The following STOML1 variants were observed in gnomAD, a reference collection of about 807,000 sequenced individuals.
STOML1 encodes the protein stomatin-like protein 1.
Under a neutral mutation model 35.7 loss-of-function variants are expected in STOML1, and 27 were observed. That is an observed-to-expected ratio of 0.76 (90% CI 0.56 to 1.04). The LOEUF is 1.04. Among genes scored for constraint, STOML1 ranks in the 50% least tolerant of loss-of-function variants. The probability of loss-of-function intolerance (pLI) is 0.00; values close to 1 mark genes in which losing one functional copy is unlikely to be tolerated. For synonymous variants in STOML1, 219 were observed against 227.9 expected (o/e 0.96, Z 0.35); for missense variants, 451 against 527.1 (o/e 0.86, Z 1.41).
rs2068931380 is a variant in STOML1 at position 73,979,046 on chromosome 15, C to T, written c.*4891G>A. On this transcript the variant is annotated 3_prime_UTR_variant, in exon 7 of 7. Coordinates refer to ENST00000541638, the MANE Select transcript of STOML1 (RefSeq NM_004809.5). ...ACAATGGAATGTGTTGGCAATACAA[C>T]AAACTACAGATACACAGAATAACAT... 1 of 152,144 alleles carries T rather than the reference C, an allele frequency of 6.6e-6. No individual in the cohort carries two copies. Among genetic ancestry groups the T allele is most frequent in the South Asian group, 2.1e-4 (1 of 4,832 alleles). 9.4% of individuals were successfully genotyped at this position (152,144 alleles called of 1,614,324 possible). A position where few individuals can be genotyped will look rare whatever the true frequency, so the allele number is the denominator to read the frequency against.
At chr15:73,991,992 C>A (rs1380535751) in intron 1 of STOML1, 99 bp downstream of exon 1, 2 of 1,439,458 alleles carry the variant, frequency 1.4e-6, no homozygotes, top group African/African-American at 2.9e-5. Context: ...TCGTAGGGTG[C>A]GACGGCACCG....
At chr15:73,990,947 T>A (rs2069255311) in intron 1 of STOML1, 1 of 1,492,176 alleles carries the variant, frequency 6.7e-7, no homozygotes, top group African/African-American at 1.4e-5. Context: ...TGCCTTAGCC[T>A]ACAGGGATAA....
chr15:73,991,779 T>A (rs1343148178), intron 1 of STOML1: 2 of 569,268 alleles, frequency 3.5e-6, no homozygotes, highest in South Asian at 3.2e-5. Context: ...CTATGCGAAA[T>A]AGAAACCTGA....
chr15:73,991,706 AT>A (rs2069282164), intron 1 of STOML1: 1 of 481,796 alleles, frequency 2.1e-6, no homozygotes, highest in Non-Finnish European at 4.1e-6. Context: ...AAATTCTTCC[AT>A]TTCCCTGCAG....
At position 73,985,761 on chromosome 15, in the gene STOML1, G is replaced by A; in HGVS notation, c.595-248C>T. ...CAGCAGGAGGGAGTCCTCAGGTGGAGGAGGACCCTTCCAGCAACAGGAACA... is the reference window on the plus strand; with the variant it reads ...CAGCAGGAGGGAGTCCTCAGGTGGAAGAGGACCCTTCCAGCAACAGGAACA... On this transcript the variant is annotated intron_variant, in intron 4 of 6. Coordinates refer to ENST00000541638, the MANE Select transcript of STOML1 (RefSeq NM_004809.5). 8.4e-6 allele frequency: 4 copies of A among 478,468 alleles called. No individual in the cohort carries two copies. The Admixed American group carries it at 1.4e-4, about 16-fold the overall frequency. The allele number at this position is 478,468 out of a possible 1,614,324, so 29.6% of individuals were successfully genotyped here. A position where few individuals can be genotyped will look rare whatever the true frequency, so the allele number is the denominator to read the frequency against.
chr15:73,984,510 C>A, intron 6 of STOML1, 149 bp downstream of exon 6: 1 of 936,054 alleles, frequency 1.1e-6, no homozygotes, highest in Non-Finnish European at 1.6e-6. Flanking sequence ...TAGTTAATGC[C>A]TGGAAATGGT....
Position 73,980,462 on chromosome 15 carries a change from G to A in STOML1, c.*3475C>T, listed in dbSNP as rs2068948459. On this transcript the variant is annotated 3_prime_UTR_variant, in exon 7 of 7. Transcript: ENST00000541638. ...CCTATGTAAGTACAAGAAAGCACAG[G>A]GAAAGGCTGTCTGTGGTAACATGGA... is the stretch of plus-strand genomic sequence containing the variant. 6.6e-6 allele frequency: 1 copy of A among 152,170 alleles called. No homozygotes were observed. The highest frequency in any genetic ancestry group is 2.4e-5 in the African/African-American group (1 of 41,436). 9.4% of individuals were successfully genotyped at this position (152,170 alleles called of 1,614,324 possible).
rs965602489 is a variant in STOML1, at chr15:73,988,929, C to G, written c.391-127G>C. 15 of 1,448,300 alleles carry G rather than the reference C, an allele frequency of 1.0e-5. No individual in the cohort carries two copies. In the African/African-American group the frequency reaches 2.1e-4, roughly 20 times the overall value. The allele number at this position is 1,448,300 out of a possible 1,614,324, so 89.7% of individuals were successfully genotyped here. ...AGCTCCTCAAGGGCAAATGGTGTCA[C>G]CAAGTATGTAGGGTTAGGTGTATGA... On this transcript the variant is annotated intron_variant, in intron 3 of 6. Coordinates refer to ENST00000541638, the MANE Select transcript of STOML1 (RefSeq NM_004809.5). This position sits in a 1 kb window ranked among gnomAD's most constrained non-coding sequence, Gnocchi z 4.8.
intron 5 of STOML1, 56 bp from the exon 6 acceptor site, chr15:73,984,927 C>T: frequency 6.3e-7 from 1 of 1,599,290 alleles, no homozygotes; most frequent in South Asian, 1.1e-5. Context: ...ATCGTGTTGC[C>T]AAGGTCAGGA....
upstream of STOML1, among the ~76,000 whole-genome samples, chr15:73,993,228 C>T (rs2069340415): frequency 6.6e-6 from 1 of 152,220 alleles, no homozygotes; most frequent in African/African-American, 2.4e-5. Context: ...CCCCTTGATC[C>T]AGGTACCTGG....
At chr15:73,984,894 G>A in intron 5 of STOML1, 23 bp from the exon 6 acceptor site, 2 of 1,613,092 alleles carry the variant, frequency 1.2e-6, no homozygotes, top group Non-Finnish European at 1.7e-6. Flanking sequence ...AACAGGGTTG[G>A]GGAAGGAGGC....
upstream of STOML1, chr15:73,994,441 A>T: frequency 3.7e-6 from 1 of 271,698 alleles, no homozygotes; most frequent in Admixed American, 4.9e-5. Flanking sequence ...TTGTACGCCC[A>T]GCTCCCGGCA....
In STOML1 at chr15:73,985,679, T is replaced by C. The variant is rs2069074814; in HGVS notation, c.595-166A>G. On this transcript the variant is annotated intron_variant, in intron 4 of 6. Transcript: ENST00000541638. ...GAGGGCAATGACCTTTCAGCTGTGG[T>C]AAGTGCCAAGACAGAAGCAAGGCCT... 9.5e-6 allele frequency: 8 copies of C among 843,488 alleles called. No homozygotes were observed. In the South Asian group the frequency reaches 1.7e-4, roughly 17 times the overall value. The allele number at this position is 843,488 out of a possible 1,614,324, so 52.3% of individuals were successfully genotyped here.
intron 1 of STOML1, chr15:73,991,848 G>A (rs2141682356): frequency 1.6e-6 from 1 of 627,962 alleles, no homozygotes; most frequent in South Asian, 1.9e-5. Context: ...GTGAGGTGAG[G>A]TTTTGGAAGA....
chr15:73,994,438 C>T (rs903912218), upstream of STOML1: 3 of 274,556 alleles, frequency 1.1e-5, no homozygotes, highest in Non-Finnish European at 2.1e-5. Context: ...TCTTTGTACG[C>T]CCAGCTCCCG....
rs923602355 is a variant in STOML1 at position 73,983,719 on chromosome 15, G to A, written c.*218C>T. 8 of 517,146 alleles carry A rather than the reference G, an allele frequency of 1.5e-5. No homozygotes were observed. The highest frequency in any genetic ancestry group is 3.1e-5 in the East Asian group (1 of 32,242). The allele number at this position is 517,146 out of a possible 1,614,324, so 32.0% of individuals were successfully genotyped here. ...AGCGCTGGGCACTCAGCTGGGGACC[G>A]GGATGGACAAAGCCTTGTCCAGAGA... On this transcript the variant is annotated 3_prime_UTR_variant, in exon 7 of 7. Transcript: ENST00000541638.
In STOML1 at chr15:73,979,991, T is replaced by TCACTG. The variant is rs939375741; in HGVS notation, c.*3941_*3945dup. On this transcript the variant is annotated 3_prime_UTR_variant, in exon 7 of 7. Transcript: ENST00000541638. Reference sequence around the variant, plus strand: ...AGGTTGAGGCTGCAGTGAGCCACAATCACTGCACTGCACTCCAGCCTGGGA... The same window carrying TCACTG: ...AGGTTGAGGCTGCAGTGAGCCACAATCACTGCACTGCACTGCACTCCAGCCTGGGA... 6.9e-6 allele frequency: 1 copy of TCACTG among 144,532 alleles called. No individual in the cohort carries two copies. The allele number at this position is 144,532 out of a possible 1,614,324, so 9.0% of individuals were successfully genotyped here. A position where few individuals can be genotyped will look rare whatever the true frequency, so the allele number is the denominator to read the frequency against.
chr15:73,984,731 C>G lies in STOML1; in HGVS notation c.931G>C (p.Gly311Arg), dbSNP rs776326716. Residue 311 changes from glycine to arginine, a missense_variant, in exon 6 of 7, where the codon GGG (glycine) becomes CGG (arginine). By Grantham distance (125) the Gly-to-Arg change is moderately radical (BLOSUM62 -2). Transcript: ENST00000541638. ...FLSEALVSQVGACYQFNVVLP... is the reference protein window; with the variant it reads ...FLSEALVSQVRACYQFNVVLP... ...ACGACATTGAACTGGTAGCAGGCCC[C>G]GACTTGGCTGACCAGGGCCTCAGAC... The G allele has an allele frequency of 6.2e-7, 1 of 1,614,096 alleles. No homozygotes were observed.
chr15:73,990,472 AGAG>A lies in STOML1; in HGVS notation c.134-18_134-16del. 1 of 1,589,948 alleles carries A rather than the reference AGAG, an allele frequency of 6.3e-7. No individual in the cohort carries two copies. The highest frequency in any genetic ancestry group is 8.5e-7 in the Non-Finnish European group (1 of 1,170,556). On this transcript the variant is annotated splice_polypyrimidine_tract_variant and intron_variant, in intron 1 of 6. Transcript: ENST00000541638. ...CTGGGGTACATCTGCAGGTGAGAGC[AGAG>A]GTGGTCAACTGGACCTGCACGACAG...
Sources: gnomAD v4.1 joint callset for allele counts (sites outside exome capture counted in the v4.1 genomes callset) on GRCh38, gnomAD v4.1.1 for gene constraint, Gnocchi (gnomAD v3.1) non-coding constraint, MANE v1.5 for transcripts, NCBI Gene and HGNC (gene_info 2026-07-23, HGNC 2026-07-21) for gene names.